ZNF354B: variants seen among roughly 807,000 people sequenced by gnomAD.
ZNF354B encodes the protein zinc finger protein 354B.
ZNF354B carries 10 observed loss-of-function variants against 12.9 expected under a neutral mutation model. That is an observed-to-expected ratio of 0.77 (90% CI 0.48 to 1.31). ZNF354B has a LOEUF of 1.31. Among genes scored for constraint, ZNF354B ranks in the 40% most tolerant of loss-of-function variants. ZNF354B has a pLI of 0.00. For synonymous variants in ZNF354B, 260 were observed against 243.7 expected, an observed-to-expected ratio of 1.07 and a Z score of -0.62; for missense variants, 614 against 711.7, an observed-to-expected ratio of 0.86 and a Z score of 1.56.
chr5:178,868,580 C>T lies in ZNF354B; in HGVS notation c.256+1509C>T, dbSNP rs187384180. On this transcript the variant is annotated intron_variant, in intron 4 of 4. Coordinates refer to ENST00000322434, the MANE Select transcript of ZNF354B (RefSeq NM_058230.3). ...GTGAGGACCACGTGGGAAAGACACT[C>T]GGTGCTGTGAGAGTGCAGAGCAGGC... Among the ~76,000 whole-genome samples, 118 of 152,138 alleles carry T rather than the reference C, an allele frequency of 7.8e-4. 1 individual carries two copies. Among genetic ancestry groups the T allele is most frequent in the Middle Eastern group, 3.4e-3 (1 of 294 alleles).
chr5:178,883,580 C>T lies in ZNF354B; in HGVS notation c.1128C>T (p.His376=), dbSNP rs1757754075. The T allele has an allele frequency of 6.2e-7, 1 of 1,613,944 alleles. No homozygotes were observed. The highest frequency in any genetic ancestry group is 8.5e-7 in the Non-Finnish European group (1 of 1,179,866). ...SSSLRYHQRI[H]TGEKPFKCSE... is the part of the protein sequence containing the mutation. The stretch of plus-strand genomic sequence containing the variant: ...CCCTTCGTTATCATCAGAGAATTCA[C>T]ACTGGAGAGAAGCCTTTTAAATGTA... The change falls in exon 5 of 5, where the codon CAC becomes CAT. Residue 376 remains histidine (H), a synonymous_variant. Coordinates refer to ENST00000322434, the MANE Select transcript of ZNF354B (RefSeq NM_058230.3).
At position 178,859,990 on chromosome 5, in the gene ZNF354B, C is replaced by G. The variant is rs900037045; in HGVS notation, c.-189C>G. 1.3e-5 allele frequency: 2 copies of G among 152,288 alleles called. No individual in the cohort carries two copies. The highest frequency in any genetic ancestry group is 4.8e-5 in the African/African-American group (2 of 41,482). The allele number at this position is 152,288 out of a possible 1,614,324, so 9.4% of individuals were successfully genotyped here. ...GCTCCTCTAGGTCCCAGGCGCTCTG[C>G]GGAGCTTTCGCTGCCCGGTGAGCGG... is the stretch of plus-strand genomic sequence containing the variant. On this transcript the variant is annotated 5_prime_UTR_variant, in exon 1 of 5. Transcript: ENST00000322434.
At chr5:178,875,233 C>T (rs1358269882) in intron 4 of ZNF354B, among the ~76,000 whole-genome samples, 4 of 152,152 alleles carry the variant, frequency 2.6e-5, no homozygotes, top group Non-Finnish European at 4.4e-5. Flanking sequence ...GGTTTATGTT[C>T]GCTTCCTAGC....
chr5:178,869,726 C>T (rs1279202345), intron 4 of ZNF354B, among the ~76,000 whole-genome samples: 1 of 151,998 alleles, frequency 6.6e-6, no homozygotes, highest in Admixed American at 6.6e-5. Flanking sequence ...TGCGGGAAAA[C>T]CCTGAGCAGT....
intron 3 of ZNF354B, 109 bp from the exon 4 acceptor site, chr5:178,866,867 T>G: frequency 1.0e-6 from 1 of 1,004,024 alleles, no homozygotes; most frequent in Non-Finnish European, 1.5e-6. Context: ...ACATCATACA[T>G]GCAACATTCC....
At chr5:178,873,632 C>T (rs1757594477) in intron 4 of ZNF354B, among the ~76,000 whole-genome samples, 1 of 152,118 alleles carries the variant, frequency 6.6e-6, no homozygotes. Flanking sequence ...TTCTGTGTTT[C>T]TGTTCCTCTG....
At chr5:178,879,452 T>C (rs1405917781) in intron 4 of ZNF354B, among the ~76,000 whole-genome samples, 2 of 152,050 alleles carry the variant, frequency 1.3e-5, no homozygotes, top group Admixed American at 6.6e-5. Flanking sequence ...CAATCTCGGC[T>C]CACTGCAATC....
rs1001357667 is a variant in ZNF354B, at chr5:178,879,727, T to G, written c.257-2982T>G. On this transcript the variant is annotated intron_variant, in intron 4 of 4. Transcript: ENST00000322434. The stretch of plus-strand genomic sequence containing the variant: ...CAGCTTTCTTAGTAGGCATGGGCTA[T>G]AAAAGGAAAAAGATTAACCCACTCA... Among the ~76,000 whole-genome samples the G allele has an allele frequency of 4.6e-5, 7 of 152,192 alleles. No homozygotes were observed. The East Asian group carries it at 1.3e-3, about 29-fold the overall frequency.
In ZNF354B at chr5:178,869,770, C is replaced by T. The variant is rs557930596; in HGVS notation, c.256+2699C>T. On this transcript the variant is annotated intron_variant, in intron 4 of 4. Coordinates refer to ENST00000322434, the MANE Select transcript of ZNF354B (RefSeq NM_058230.3). Reference sequence around the variant, plus strand: ...TAAGAAAGGACGTCAGAGCTGTTTCCTGCCCGATTGCTCTTGGTGGGATGA... The same window carrying T: ...TAAGAAAGGACGTCAGAGCTGTTTCTTGCCCGATTGCTCTTGGTGGGATGA... 1.8e-4 allele frequency among the ~76,000 whole-genome samples: 27 copies of T among 152,180 alleles called. No homozygotes were observed. The South Asian group carries it at 2.9e-3, about 16-fold the overall frequency.
intron 4 of ZNF354B, among the ~76,000 whole-genome samples, chr5:178,878,198 A>G (rs910355043): frequency 1.3e-5 from 2 of 152,028 alleles, no homozygotes; most frequent in African/African-American, 4.8e-5. Context: ...CCTGGCTAAC[A>G]TGGTGAAACC....
At chr5:178,860,473 ACTC>A (rs1470638408) in intron 1 of ZNF354B, among the ~76,000 whole-genome samples, 2 of 151,826 alleles carry the variant, frequency 1.3e-5, no homozygotes, top group Non-Finnish European at 2.9e-5. Flanking sequence ...CAGGACGGCC[ACTC>A]CTCCTGCCTC....
At position 178,871,050 on chromosome 5, in the gene ZNF354B, A is replaced by G. The variant is rs1392243335; in HGVS notation, c.256+3979A>G. Among the ~76,000 whole-genome samples the G allele has an allele frequency of 2.0e-5, 3 of 151,904 alleles. No individual in the cohort carries two copies. In the East Asian group the frequency reaches 5.8e-4, roughly 29 times the overall value. ...ATGCCCTGCCCCTCCCCTCCTACCA[A>G]CATCTCTTCTCTTCATAACTTCCAG... On this transcript the variant is annotated intron_variant, in intron 4 of 4. Transcript: ENST00000322434.
intron 4 of ZNF354B, among the ~76,000 whole-genome samples, chr5:178,875,825 G>A (rs528868159): frequency 1.3e-5 from 2 of 152,222 alleles, no homozygotes; most frequent in East Asian, 1.9e-4. Flanking sequence ...AGGGCAGCAG[G>A]TGTAGGACTG....
At chr5:178,868,071 C>T (rs1320360853) in intron 4 of ZNF354B, among the ~76,000 whole-genome samples, 2 of 151,794 alleles carry the variant, frequency 1.3e-5, no homozygotes, top group Admixed American at 6.6e-5. Flanking sequence ...GTGGCGCCCA[C>T]GTGATCAGGG....
intron 2 of ZNF354B, among the ~76,000 whole-genome samples, chr5:178,865,766 ATC>A (rs1015798237): frequency 1.6e-4 from 24 of 152,318 alleles, no homozygotes; most frequent in African/African-American, 5.5e-4. Context: ...CATCATTATT[ATC>A]CTCAAGCTTG....
intron 4 of ZNF354B, among the ~76,000 whole-genome samples, chr5:178,873,161 G>T (rs756085655): frequency 6.6e-6 from 1 of 152,172 alleles, no homozygotes; most frequent in Non-Finnish European, 1.5e-5. Context: ...GTTTTTTACT[G>T]TTGAGTTTTG....
rs187675680 is a variant in ZNF354B, at chr5:178,865,269, A to G, written c.34-975A>G. On this transcript the variant is annotated intron_variant, in intron 2 of 4. Coordinates refer to ENST00000322434, the MANE Select transcript of ZNF354B (RefSeq NM_058230.3). ...TGAACAGCTGTGTGACTTTAGACGA[A>G]TTTTTTTTTTCTTTTTTGAGATGGA... 7.6e-3 allele frequency among the ~76,000 whole-genome samples: 1,144 copies of G among 150,196 alleles called. 9 individuals carry two copies. Among genetic ancestry groups the G allele is most frequent in the South Asian group, 0.012 (55 of 4,728 alleles).
chr5:178,863,006 G>T (rs985763307), intron 2 of ZNF354B, among the ~76,000 whole-genome samples: 1 of 152,148 alleles, frequency 6.6e-6, no homozygotes, highest in Non-Finnish European at 1.5e-5. Context: ...ACATGACCTG[G>T]GATCTTGGCT....
intron 2 of ZNF354B, among the ~76,000 whole-genome samples, chr5:178,864,343 T>C (rs1264810147): frequency 6.6e-6 from 1 of 152,220 alleles, no homozygotes; most frequent in Non-Finnish European, 1.5e-5. Flanking sequence ...GGTAACATGC[T>C]GTACAGGTTT....
Sources: allele counts gnomAD v4.1 joint callset (sites outside exome capture counted in the v4.1 genomes callset), GRCh38; gene constraint gnomAD v4.1.1; transcripts MANE v1.5; gene names NCBI Gene and HGNC (gene_info 2026-07-23, HGNC 2026-07-21).